WDR47: variants seen among roughly 807,000 people sequenced by gnomAD.
WDR47 encodes WD repeat-containing protein 47.
WDR47 carries 32 observed loss-of-function variants against 97.2 expected under a neutral mutation model. The ratio of observed to expected loss-of-function variants is 0.33; its 90% CI spans 0.25 to 0.44. The LOEUF (loss-of-function observed/expected upper bound fraction) is 0.44. WDR47 is among the 20% of genes least tolerant of loss of function. The pLI, the probability that WDR47 is intolerant of heterozygous loss-of-function variation, is 1.00. For missense variants in WDR47, 782 were observed against 1,102.3 expected (o/e 0.71, Z 4.11); for synonymous variants, 375 against 373.5 (o/e 1.00, Z -0.05).
intron 8 of WDR47, chr1:108,992,316 C>A (rs998292984): frequency 1.3e-5 from 10 of 761,082 alleles, no homozygotes; most frequent in South Asian, 1.3e-4. Context: ...GAGAACCCCA[C>A]GGAATCATGC....
chr1:109,002,139 A>G (rs1482249428), intron 7 of WDR47, 85 bp downstream of exon 7: 3 of 1,401,362 alleles, frequency 2.1e-6, no homozygotes, highest in Non-Finnish European at 9.5e-7. Flanking sequence ...AAAATGTCAA[A>G]CTATACATAG....
Position 109,002,236 on chromosome 1 carries a change from TG to T in WDR47, c.1420del (p.Gln474SerfsTer13). 2 of 1,591,558 alleles carry T rather than the reference TG, an allele frequency of 1.3e-6. No homozygotes were observed. Among genetic ancestry groups the T allele is most frequent in the Non-Finnish European group, 1.7e-6 (2 of 1,174,190 alleles). On this transcript the variant is annotated frameshift_variant, in exon 7 of 15. Coordinates refer to ENST00000369962, the MANE Select transcript of WDR47 (RefSeq NM_001142551.2). LOFTEE classifies it high-confidence loss of function. ...TTAGAAGACCAACCTATTAAGGAACTGTTCAGTAAGATTCTGCTGCTGATCA... is the reference window on the plus strand; with the variant it reads ...TTAGAAGACCAACCTATTAAGGAACTTTCAGTAAGATTCTGCTGCTGATCA... Reference protein sequence around the residue: ...GPDQQQNLTEQFLNRSIQKLG... With the variant: ...GPDQQQNLTEXFLNRSIQKLG...
chr1:108,991,157 G>A (rs780959117), intron 9 of WDR47, 97 bp downstream of exon 9: 120 of 1,182,826 alleles, frequency 1.0e-4, no homozygotes, highest in Non-Finnish European at 1.4e-4. Context: ...ACACCACCAC[G>A]TCTGACTAAA....
intron 7 of WDR47, among the ~76,000 whole-genome samples, chr1:108,997,497 C>T (rs1029794247): frequency 9.2e-5 from 14 of 151,698 alleles, no homozygotes; most frequent in African/African-American, 3.4e-4. Flanking sequence ...TGGCTCATGC[C>T]TGTAATCCCA....
At position 109,013,940 on chromosome 1, in the gene WDR47, T is replaced by C. The variant is rs1661223340; in HGVS notation, c.243-15A>G. The C allele has an allele frequency of 6.3e-7, 1 of 1,587,736 alleles. No individual in the cohort carries two copies. The highest frequency in any genetic ancestry group is 1.1e-5 in the South Asian group (1 of 88,576). On this transcript the variant is annotated splice_polypyrimidine_tract_variant and intron_variant, in intron 3 of 14. Coordinates refer to ENST00000369962, the MANE Select transcript of WDR47 (RefSeq NM_001142551.2). ...TATAACGAAACCTGTGGGAAAAAAA[T>C]GAAGCATTAATTTTTCCAATGTCTG...
At chr1:109,040,236 G>A (rs1259186000) in intron 1 of WDR47, among the ~76,000 whole-genome samples, 1 of 152,150 alleles carries the variant, frequency 6.6e-6, no homozygotes, top group East Asian at 1.9e-4. Flanking sequence ...TGATTTTTCA[G>A]CTTACTGATC....
intron 1 of WDR47, among the ~76,000 whole-genome samples, chr1:109,040,598 T>A (rs941060302): frequency 6.6e-6 from 1 of 152,188 alleles, no homozygotes; most frequent in African/African-American, 2.4e-5. Flanking sequence ...AACAATATAC[T>A]GTTGTGACTT....
At chr1:108,971,613 GTATA>G (rs1238463249) in intron 14 of WDR47, 41 bp from the exon 15 acceptor site, 9 of 1,610,194 alleles carry the variant, frequency 5.6e-6, no homozygotes, top group Non-Finnish European at 7.6e-6. Context: ...TGCAAAATAA[GTATA>G]TGTATAGATT....
intron 1 of WDR47, among the ~76,000 whole-genome samples, chr1:109,032,381 G>A (rs1662661761): frequency 7.4e-6 from 1 of 135,088 alleles, no homozygotes; most frequent in South Asian, 2.4e-4. Context: ...GGTGACGGGC[G>A]CCTGTAGTCC....
intron 9 of WDR47, among the ~76,000 whole-genome samples, chr1:108,990,824 A>T (rs1206833176): frequency 6.6e-6 from 1 of 152,074 alleles, no homozygotes; most frequent in Non-Finnish European, 1.5e-5. Flanking sequence ...TCAGAGAATA[A>T]CACAGAGCCT....
chr1:108,991,618 T>C (rs1023443221), intron 8 of WDR47, among the ~76,000 whole-genome samples: 3 of 152,184 alleles, frequency 2.0e-5, no homozygotes, highest in Non-Finnish European at 4.4e-5. Flanking sequence ...TCCTGTTTGC[T>C]ATGCTTAAAT....
intron 14 of WDR47, among the ~76,000 whole-genome samples, chr1:108,974,331 A>T (rs2101778350): frequency 6.6e-6 from 1 of 152,362 alleles, no homozygotes; most frequent in East Asian, 1.9e-4. Flanking sequence ...CTCTATAAAA[A>T]CAAAAACAAA....
chr1:108,982,799 T>TA lies in WDR47; in HGVS notation c.2096-21dup, dbSNP rs759230541. 22,209 of 1,133,672 alleles carry TA rather than the reference T, an allele frequency of 0.02. No individual in the cohort carries two copies. Among genetic ancestry groups the TA allele is most frequent in the South Asian group, 0.028 (1,742 of 61,266 alleles). The allele number at this position is 1,133,672 out of a possible 1,614,324, so 70.2% of individuals were successfully genotyped here. A position where few individuals can be genotyped will look rare whatever the true frequency, so the allele number is the denominator to read the frequency against. On this transcript the variant is annotated intron_variant, in intron 11 of 14. Transcript: ENST00000369962. Reference sequence around the variant, plus strand: ...CTGGTCCTGAAACAGTAGTAAGAATTAAAAAAAAAAAATGCTGCTCAACTT... The same window carrying TA: ...CTGGTCCTGAAACAGTAGTAAGAATTAAAAAAAAAAAAATGCTGCTCAACTT...
At chr1:109,024,686 A>G (rs544878423) in intron 1 of WDR47, among the ~76,000 whole-genome samples, 1 of 152,318 alleles carries the variant, frequency 6.6e-6, no homozygotes, top group African/African-American at 2.4e-5. Context: ...AAACTGTTAC[A>G]GTTTTCAAAT....
intron 13 of WDR47, among the ~76,000 whole-genome samples, chr1:108,975,680 A>T (rs370498740): frequency 5.4e-4 from 77 of 143,010 alleles, no homozygotes; most frequent in African/African-American, 1.6e-3. Flanking sequence ...AAAATAAATT[A>T]AAAAAAAAAA....
rs367785171 is a variant in WDR47 at position 108,995,569 on chromosome 1, C to T, written c.1691+11G>A. 3 of 1,613,102 alleles carry T rather than the reference C, an allele frequency of 1.9e-6. No homozygotes were observed. In the African/African-American group the frequency reaches 4.0e-5, roughly 22 times the overall value. On this transcript the variant is annotated intron_variant, in intron 8 of 14. Transcript: ENST00000369962. ...TTAATATTTCCAAGTTTTACAAAGT[C>T]AAGCACTTACATTTGGCTTCCACAA...
intron 5 of WDR47, among the ~76,000 whole-genome samples, chr1:109,005,263 A>T (rs576812947): frequency 1.4e-4 from 22 of 152,114 alleles, no homozygotes; most frequent in African/African-American, 4.6e-4. Context: ...TAAAATAAAA[A>T]ATTATTTGGG....
At chr1:109,023,275 C>CTATTATATATTTTTA in intron 2 of WDR47, 80 bp downstream of exon 2, 1 of 1,250,886 alleles carries the variant, frequency 8.0e-7, no homozygotes, top group Non-Finnish European at 1.1e-6. Flanking sequence ...AAAGTTCTAT[C>CTATTATATATTTTTA]TGTATTATAT....
intron 8 of WDR47, chr1:108,992,975 C>T (rs1372777973): frequency 1.6e-6 from 1 of 642,912 alleles, no homozygotes; most frequent in Non-Finnish European, 2.7e-6. Flanking sequence ...CATGAAATAC[C>T]CAGAAGAATA....
Sources: gnomAD v4.1 joint callset for allele counts (sites outside exome capture counted in the v4.1 genomes callset) on GRCh38, gnomAD v4.1.1 for gene constraint, MANE v1.5 for transcripts, NCBI Gene and HGNC (gene_info 2026-07-23, HGNC 2026-07-21) for gene names.